Variants in GPC5 observed in about 807,000 individuals in gnomAD.
GPC5 encodes the protein glypican 5, also known as glypican-5.
A neutral mutation model predicts 53.9 loss-of-function variants in GPC5; 47 were observed. The observed-to-expected ratio is 0.87, with a 90% CI of 0.69 to 1.11. The LOEUF (loss-of-function observed/expected upper bound fraction) is 1.11. Among genes scored for constraint, GPC5 ranks in the 50% most tolerant of loss-of-function variants. The pLI is 0.00. For missense variants in GPC5, 748 were observed against 713.1 expected (o/e 1.05, Z -0.56); for synonymous variants, 286 against 263.3 (o/e 1.09, Z -0.84).
chr13:91,961,619 C>G (rs1197090162), intron 6 of GPC5, among the ~76,000 whole-genome samples: 1 of 152,012 alleles, frequency 6.6e-6, no homozygotes, highest in Non-Finnish European at 1.5e-5. Context: ...CATAATAACA[C>G]AGCAGAAAAC....
chr13:92,269,813 T>C (rs1157217676), intron 7 of GPC5, among the ~76,000 whole-genome samples: 1 of 152,170 alleles, frequency 6.6e-6, no homozygotes, highest in African/African-American at 2.4e-5. Context: ...TGGTTTTCGT[T>C]TGTTTTGTAT....
At chr13:91,946,254 AT>A (rs912872592) in intron 6 of GPC5, among the ~76,000 whole-genome samples, 106 of 151,580 alleles carry the variant, frequency 7.0e-4, no homozygotes, top group African/African-American at 2.5e-3. Context: ...TTTTGTGGGG[AT>A]TTTTTTTCCT....
At chr13:92,554,836 C>T (rs1291650730) in intron 7 of GPC5, among the ~76,000 whole-genome samples, 2 of 150,444 alleles carry the variant, frequency 1.3e-5, no homozygotes, top group African/African-American at 2.4e-5. Context: ...ATAGAACTTA[C>T]AAGGCAAAGA....
intron 5 of GPC5, among the ~76,000 whole-genome samples, chr13:91,803,586 T>C (rs1477950193): frequency 1.3e-5 from 2 of 152,192 alleles, no homozygotes; most frequent in Non-Finnish European, 2.9e-5. Flanking sequence ...CACAAGATGA[T>C]GTGTTTAAAA....
chr13:91,608,937 T>G (rs953000986), intron 2 of GPC5, among the ~76,000 whole-genome samples: 2 of 149,806 alleles, frequency 1.3e-5, no homozygotes, highest in Non-Finnish European at 3.0e-5. Context: ...ATTTAGAATT[T>G]TGTTAGACTA....
intron 7 of GPC5, among the ~76,000 whole-genome samples, chr13:92,769,563 TC>T (rs1348868067): frequency 6.6e-6 from 1 of 152,056 alleles, no homozygotes; most frequent in African/African-American, 2.4e-5. Context: ...CATGGTGAGC[TC>T]CACCTCACCC....
chr13:91,696,204 A>G (rs1018282435), intron 3 of GPC5, among the ~76,000 whole-genome samples: 2 of 152,212 alleles, frequency 1.3e-5, no homozygotes, highest in Non-Finnish European at 2.9e-5. Context: ...TATTAGAATC[A>G]GGTTTATGTT....
At chr13:91,755,077 A>G (rs1473580647) in intron 4 of GPC5, among the ~76,000 whole-genome samples, 1 of 152,126 alleles carries the variant, frequency 6.6e-6, no homozygotes, top group Non-Finnish European at 1.5e-5. Context: ...TTAAAAACCG[A>G]TAGGTTTGTG....
At chr13:92,499,849 C>T (rs2138929647) in intron 7 of GPC5, among the ~76,000 whole-genome samples, 1 of 152,292 alleles carries the variant, frequency 6.6e-6, no homozygotes, top group East Asian at 1.9e-4. Context: ...GGGACCTCAG[C>T]TTTGACTCAA....
rs376666582 is a variant in GPC5, at chr13:92,064,621, T to TG, written c.1402-80202dup. ...AAATACAAAAATTAGCTAGGCGTGG[T>TG]GGGGGGGCGCCTGTAATCCCAGCTA... On this transcript the variant is annotated intron_variant, in intron 6 of 7. Coordinates refer to ENST00000377067, the MANE Select transcript of GPC5 (RefSeq NM_004466.6). 3.6e-3 allele frequency among the ~76,000 whole-genome samples: 536 copies of TG among 150,838 alleles called. 1 individual carries two copies. The highest frequency in any genetic ancestry group is 0.011 in the African/African-American group (435 of 41,154).
intron 6 of GPC5, among the ~76,000 whole-genome samples, chr13:91,946,165 G>T (rs1462689510): frequency 2.6e-5 from 4 of 152,052 alleles, no homozygotes; most frequent in African/African-American, 9.7e-5. Flanking sequence ...GCTTAGTACT[G>T]TTCGTGACAG....
At chr13:91,435,500 G>A (rs527819372) in intron 1 of GPC5, among the ~76,000 whole-genome samples, 15 of 152,236 alleles carry the variant, frequency 9.9e-5, no homozygotes, top group Middle Eastern at 3.4e-3. Flanking sequence ...ATTGATTTGC[G>A]TATGTTGAAC....
intron 7 of GPC5, among the ~76,000 whole-genome samples, chr13:92,337,494 C>T (rs912898431): frequency 6.6e-6 from 1 of 151,980 alleles, no homozygotes; most frequent in Non-Finnish European, 1.5e-5. Context: ...AGGAGAATTA[C>T]AAAGGAGAGA....
chr13:92,824,187 A>G (rs956083380), intron 7 of GPC5, among the ~76,000 whole-genome samples: 1 of 151,818 alleles, frequency 6.6e-6, no homozygotes, highest in African/African-American at 2.4e-5. Flanking sequence ...ATCATCTTAC[A>G]CCAGTCTACA....
chr13:92,601,206 A>T (rs1407938688), intron 7 of GPC5, among the ~76,000 whole-genome samples: 1 of 152,156 alleles, frequency 6.6e-6, no homozygotes, highest in South Asian at 2.1e-4. Context: ...TACTAAGCTT[A>T]TTTTATTGTA....
At chr13:92,335,516 A>G (rs755363937) in intron 7 of GPC5, among the ~76,000 whole-genome samples, 11 of 152,148 alleles carry the variant, frequency 7.2e-5, no homozygotes, top group Non-Finnish European at 1.3e-4. Context: ...TCTGCTCCTC[A>G]TTACCTATGC....
chr13:92,299,537 A>G (rs2043060979), intron 7 of GPC5, among the ~76,000 whole-genome samples: 1 of 152,242 alleles, frequency 6.6e-6, no homozygotes, highest in South Asian at 2.1e-4. Flanking sequence ...TGATCATACT[A>G]GTAACATATT....
At chr13:91,861,122 C>T (rs1352557090) in intron 5 of GPC5, among the ~76,000 whole-genome samples, 7 of 152,118 alleles carry the variant, frequency 4.6e-5, no homozygotes, top group Admixed American at 3.9e-4. Context: ...TAAACTTACT[C>T]TTTAACTCAG....
intron 1 of GPC5, among the ~76,000 whole-genome samples, chr13:91,436,103 G>A (rs1053721064): frequency 7.2e-5 from 11 of 152,162 alleles, no homozygotes; most frequent in Admixed American, 2.6e-4. Context: ...CTTGCTAGCA[G>A]TCTATCAATT....
Sources: allele counts gnomAD v4.1 joint callset (sites outside exome capture counted in the v4.1 genomes callset), GRCh38; gene constraint gnomAD v4.1.1; transcripts MANE v1.5; gene names NCBI Gene and HGNC (gene_info 2026-07-23, HGNC 2026-07-21).